LRRFIP2: variants seen among roughly 807,000 people sequenced by gnomAD.
LRRFIP2 encodes the protein LRR binding FLII interacting protein 2.
LRRFIP2 carries 109 observed loss-of-function variants against 125.9 expected under a neutral mutation model. The observed-to-expected ratio is 0.87, with a 90% CI of 0.74 to 1.01. The LOEUF (loss-of-function observed/expected upper bound fraction) is 1.01. Among genes scored for constraint, LRRFIP2 ranks in the 50% least tolerant of loss-of-function variants. The pLI is 0.00. For missense variants in LRRFIP2, 850 were observed against 862.3 expected, an observed-to-expected ratio of 0.99 and a Z score of 0.18; for synonymous variants, 291 against 293.1, an observed-to-expected ratio of 0.99 and a Z score of 0.07.
chr3:37,084,091 T>C (rs2092853992), intron 18 of LRRFIP2, among the ~76,000 whole-genome samples: 1 of 152,166 alleles, frequency 6.6e-6, no homozygotes. Flanking sequence ...AACATATATC[T>C]GTAAGGGTCA....
intron 25 of LRRFIP2, among the ~76,000 whole-genome samples, chr3:37,055,483 T>C (rs1349954245): frequency 1.3e-5 from 2 of 152,116 alleles, no homozygotes; most frequent in Non-Finnish European, 2.9e-5. Flanking sequence ...GGAGAATCAC[T>C]TGAACCCGGG....
intron 2 of LRRFIP2, among the ~76,000 whole-genome samples, chr3:37,136,956 T>TGGGGGGGTGGGGG (rs2095569059): frequency 9.0e-6 from 1 of 111,266 alleles, no homozygotes; most frequent in Non-Finnish European, 1.8e-5. Context: ...CTTTCTTTTT[T>TGGGGGGGTGGGGG]GGGGGGGGTG....
chr3:37,097,618 A>G (rs1426234268), intron 15 of LRRFIP2, among the ~76,000 whole-genome samples: 4 of 152,180 alleles, frequency 2.6e-5, no homozygotes, highest in African/African-American at 9.7e-5. Flanking sequence ...AAACAGCTTC[A>G]TAGTAGCCTG....
chr3:37,106,404 T>C (rs2094326023), intron 13 of LRRFIP2, among the ~76,000 whole-genome samples: 1 of 152,222 alleles, frequency 6.6e-6, no homozygotes, highest in Non-Finnish European at 1.5e-5. Context: ...TTTATCTCCA[T>C]TCTAACATCA....
chr3:37,083,276 A>C (rs1405971262), intron 19 of LRRFIP2, among the ~76,000 whole-genome samples: 1 of 152,190 alleles, frequency 6.6e-6, no homozygotes, highest in Non-Finnish European at 1.5e-5. Context: ...AAAAAAATGA[A>C]TCATCCTATT....
intron 2 of LRRFIP2, among the ~76,000 whole-genome samples, chr3:37,132,950 G>A (rs758205164): frequency 6.6e-6 from 1 of 152,198 alleles, no homozygotes; most frequent in Admixed American, 6.5e-5. Flanking sequence ...AAGGCTGGGC[G>A]TGGTGGCTCA....
intron 1 of LRRFIP2, among the ~76,000 whole-genome samples, chr3:37,158,334 C>T (rs1426534275): frequency 6.6e-6 from 1 of 152,034 alleles, no homozygotes; most frequent in African/African-American, 2.4e-5. Context: ...AGGCCAGGCA[C>T]GGTGGCTCAT....
intron 1 of LRRFIP2, among the ~76,000 whole-genome samples, chr3:37,150,512 A>AGACAG (rs2095993420): frequency 6.6e-6 from 1 of 152,126 alleles, no homozygotes; most frequent in Non-Finnish European, 1.5e-5. Flanking sequence ...ATTACTTATT[A>AGACAG]GACCTATTTT....
chr3:37,110,166 T>C (rs2094497549), intron 9 of LRRFIP2, among the ~76,000 whole-genome samples: 1 of 152,218 alleles, frequency 6.6e-6, no homozygotes, highest in African/African-American at 2.4e-5. Context: ...AAGTTATCTC[T>C]ACAAACACTC....
intron 17 of LRRFIP2, among the ~76,000 whole-genome samples, chr3:37,092,908 G>A (rs912301863): frequency 6.6e-6 from 1 of 151,872 alleles, no homozygotes; most frequent in African/African-American, 2.4e-5. Flanking sequence ...GCACGATCTC[G>A]GCTCACTGCA....
chr3:37,073,098 C>T (rs1307797685), intron 20 of LRRFIP2, among the ~76,000 whole-genome samples: 1 of 152,170 alleles, frequency 6.6e-6, no homozygotes, highest in East Asian at 1.9e-4. Flanking sequence ...CAAAAGTAAG[C>T]AAAGGAACCA....
intron 19 of LRRFIP2, among the ~76,000 whole-genome samples, chr3:37,076,487 C>A (rs2092027037): frequency 6.6e-6 from 1 of 152,052 alleles, no homozygotes; most frequent in Admixed American, 6.6e-5. Context: ...ATGATGGTGC[C>A]ATTGCACTCC....
At chr3:37,078,499 G>A (rs1193898692) in intron 19 of LRRFIP2, among the ~76,000 whole-genome samples, 1 of 152,180 alleles carries the variant, frequency 6.6e-6, no homozygotes. Flanking sequence ...GAATTGTAGT[G>A]TAGGGGAAAC....
At chr3:37,079,453 T>C (rs1033802067) in intron 19 of LRRFIP2, among the ~76,000 whole-genome samples, 1 of 152,156 alleles carries the variant, frequency 6.6e-6, no homozygotes, top group African/African-American at 2.4e-5. Flanking sequence ...AAGGAAAGCA[T>C]ATATCCAGAC....
At chr3:37,095,636 A>G (rs1324082594) in intron 16 of LRRFIP2, among the ~76,000 whole-genome samples, 1 of 152,000 alleles carries the variant, frequency 6.6e-6, no homozygotes, top group Non-Finnish European at 1.5e-5. Flanking sequence ...TATATTTATT[A>G]TTTTTATTAT....
intron 24 of LRRFIP2, among the ~76,000 whole-genome samples, chr3:37,061,769 A>G (rs978333694): frequency 1.3e-5 from 2 of 152,048 alleles, no homozygotes; most frequent in African/African-American, 4.8e-5. Flanking sequence ...CCTCCCTTCC[A>G]AGGATCTTGC....
At chr3:37,158,973 CTG>C (rs2096268317) in intron 1 of LRRFIP2, among the ~76,000 whole-genome samples, 1 of 152,188 alleles carries the variant, frequency 6.6e-6, no homozygotes, top group African/African-American at 2.4e-5. Context: ...AGAAGGTACT[CTG>C]AAGCACAAAA....
In LRRFIP2 at chr3:37,058,875, T is replaced by C; in HGVS notation, c.1785A>G (p.Arg595=). ...RKLKLQLEEE[R]QKCSRNDGTV... is the part of the protein sequence containing the mutation. ...TGCCATCATTCCTGGAGCATTTCTG[T>C]CGTTCCTCCTCTAACTGAAGCTTCA... Residue 595 remains arginine, a synonymous_variant, in exon 25 of 28, where the codon CGA becomes CGG. Transcript: ENST00000336686. 1 of 1,614,024 alleles carries C rather than the reference T, an allele frequency of 6.2e-7. No individual in the cohort carries two copies. Among genetic ancestry groups the C allele is most frequent in the Non-Finnish European group, 8.5e-7 (1 of 1,179,956 alleles).
At chr3:37,152,231 A>G (rs1047124644) in intron 1 of LRRFIP2, among the ~76,000 whole-genome samples, 1 of 152,246 alleles carries the variant, frequency 6.6e-6, no homozygotes, top group African/African-American at 2.4e-5. Flanking sequence ...TATAATTGGG[A>G]GCTAAAATAT....
Sources: gnomAD v4.1 joint callset for allele counts (sites outside exome capture counted in the v4.1 genomes callset) on GRCh38, gnomAD v4.1.1 for gene constraint, MANE v1.5 for transcripts, NCBI Gene and HGNC (gene_info 2026-07-23, HGNC 2026-07-21) for gene names.